DNM2: variants seen among roughly 807,000 people sequenced by gnomAD.
DNM2 encodes dynamin 2.
A neutral mutation model predicts 99.0 loss-of-function variants in DNM2; 15 were observed. That is an observed-to-expected ratio of 0.15 (90% confidence interval 0.10 to 0.23). DNM2 has a LOEUF of 0.23. Ranked by LOEUF, DNM2 falls within the 10% of genes least tolerant of loss-of-function variation. The pLI is 1.00. For synonymous variants in DNM2, 525 were observed against 481.2 expected (o/e 1.09, Z -1.19); for missense variants, 742 against 1,189.4 (o/e 0.62, Z 5.53).
intron 1 of DNM2, among the ~76,000 whole-genome samples, chr19:10,744,678 G>A (rs997688935): frequency 6.6e-6 from 1 of 152,102 alleles, no homozygotes; most frequent in East Asian, 1.9e-4. Flanking sequence ...CACAGTGAGC[G>A]TTCACTTTGC....
chr19:10,809,689 C>G (rs1247634676), intron 14 of DNM2: 2 of 152,434 alleles, frequency 1.3e-5, no homozygotes, highest in Non-Finnish European at 2.9e-5. Context: ...GGCCTCCAGT[C>G]CTAGCAGGGG....
Position 10,775,976 on chromosome 19 carries a change from G to T in DNM2, c.589+70G>T. On this transcript the variant is annotated intron_variant, in intron 4 of 20. Transcript: ENST00000389253. This position sits in a 1 kb window ranked among gnomAD's most constrained non-coding sequence, Gnocchi z 4.3. ...GCATGGGATGTGCCCAGCATCCTTG[G>T]TTCCAAGTCACTGGCGTTCTCTTTA... 6.4e-7 allele frequency: 1 copy of T among 1,574,260 alleles called. No homozygotes were observed. The highest frequency in any genetic ancestry group is 8.6e-7 in the Non-Finnish European group (1 of 1,163,016).
chr19:10,828,275 T>C (rs143322679), intron 18 of DNM2, among the ~76,000 whole-genome samples: 52 of 132,506 alleles, frequency 3.9e-4, no homozygotes, highest in African/African-American at 1.4e-3. Context: ...AGTGAGACTC[T>C]GTCACAAAAA....
intron 6 of DNM2, among the ~76,000 whole-genome samples, chr19:10,783,698 TATTA>T (rs1194639260): frequency 3.3e-3 from 434 of 131,520 alleles, no homozygotes; most frequent in African/African-American, 0.01. Flanking sequence ...TTATTATTAT[TATTA>T]TTATTTTTTA....
chr19:10,802,212 C>A, intron 11 of DNM2, 76 bp from the exon 12 acceptor site: 1 of 1,521,368 alleles, frequency 6.6e-7, no homozygotes, highest in Non-Finnish European at 9.1e-7. Flanking sequence ...GCTGGCAAGG[C>A]CAGGAAATGC....
chr19:10,817,573 T>C lies in DNM2; in HGVS notation c.1672-2407T>C, dbSNP rs1163367070. On this transcript the variant is annotated intron_variant, in intron 15 of 20. Coordinates refer to ENST00000389253, the MANE Select transcript of DNM2 (RefSeq NM_001005361.3). This position sits in a 1 kb window ranked among gnomAD's most constrained non-coding sequence, Gnocchi z 4.6. ...AGGCCAGGCCGTGCCTCAGCACCTC[T>C]GAGCAGCCAAGGAAACCACCACTCT... 1.0e-5 allele frequency: 4 copies of C among 383,576 alleles called. No homozygotes were observed. Among genetic ancestry groups the C allele is most frequent in the Non-Finnish European group, 2.1e-5 (4 of 187,756 alleles). The allele number at this position is 383,576 out of a possible 1,614,324, so 23.8% of individuals were successfully genotyped here. A position where few individuals can be genotyped will look rare whatever the true frequency, so the allele number is the denominator to read the frequency against.
rs28648822 is a variant in DNM2 at position 10,749,610 on chromosome 19, C to T, written c.162-10128C>T. Reference sequence around the variant, plus strand: ...AGGGGTAGAGACCTGTCCAGGGCCACACAGCCCAGGAGGGGCGGAGCTCGA... The same window carrying T: ...AGGGGTAGAGACCTGTCCAGGGCCATACAGCCCAGGAGGGGCGGAGCTCGA... On this transcript the variant is annotated intron_variant, in intron 1 of 20. Coordinates refer to ENST00000389253, the MANE Select transcript of DNM2 (RefSeq NM_001005361.3). 4.1e-3 allele frequency among the ~76,000 whole-genome samples: 621 copies of T among 152,368 alleles called. 11 individuals are homozygous for T. Among genetic ancestry groups the T allele is most frequent in the Admixed American group, 0.028 (436 of 15,302 alleles).
At chr19:10,766,015 C>T (rs1022412744) in intron 2 of DNM2, among the ~76,000 whole-genome samples, 16 of 152,122 alleles carry the variant, frequency 1.1e-4, no homozygotes, top group Non-Finnish European at 1.5e-4. Flanking sequence ...ATGGGAGCCC[C>T]GGCACTGGGT....
chr19:10,763,606 G>C (rs73498594), intron 2 of DNM2: 2 of 152,412 alleles, frequency 1.3e-5, no homozygotes, highest in African/African-American at 4.8e-5. Flanking sequence ...CCCAGCCCCC[G>C]AGCCCAGCCT....
At chr19:10,767,302 TTC>T (rs1179758152) in intron 2 of DNM2, among the ~76,000 whole-genome samples, 1 of 152,034 alleles carries the variant, frequency 6.6e-6, no homozygotes, top group East Asian at 1.9e-4. Context: ...TCCACTCTAT[TTC>T]TCTTTTTGTC....
At chr19:10,821,061 A>C (rs945131447) in intron 16 of DNM2, among the ~76,000 whole-genome samples, 1 of 152,130 alleles carries the variant, frequency 6.6e-6, no homozygotes, top group Non-Finnish European at 1.5e-5. Flanking sequence ...GTAGGCAGGC[A>C]CTGACGTCCT....
At chr19:10,739,525 G>T (rs2069660630) in intron 1 of DNM2, among the ~76,000 whole-genome samples, 2 of 152,094 alleles carry the variant, frequency 1.3e-5, no homozygotes, top group African/African-American at 4.8e-5. Context: ...GGCCTTTTGT[G>T]TGTGGCTTTG....
At chr19:10,743,190 G>C (rs1256614361) in intron 1 of DNM2, among the ~76,000 whole-genome samples, 1 of 152,004 alleles carries the variant, frequency 6.6e-6, no homozygotes, top group Admixed American at 6.5e-5. Context: ...ACAGGTGTGA[G>C]CCACCACGCC....
At chr19:10,724,167 C>T (rs2069034431) in intron 1 of DNM2, among the ~76,000 whole-genome samples, 2 of 151,576 alleles carry the variant, frequency 1.3e-5, no homozygotes. Context: ...GGAGGGGGTA[C>T]ATTTTATTTT....
intron 7 of DNM2, 149 bp from the exon 8 acceptor site, chr19:10,793,571 A>G: frequency 7.0e-7 from 1 of 1,420,522 alleles, no homozygotes; most frequent in African/African-American, 1.4e-5. Context: ...GAGCTCTTGA[A>G]TTTGGTTTAT....
At chr19:10,828,085 T>TA (rs1025598965) in intron 18 of DNM2, among the ~76,000 whole-genome samples, 1 of 149,092 alleles carries the variant, frequency 6.7e-6, no homozygotes, top group Non-Finnish European at 1.5e-5. Flanking sequence ...GGTCAGGAGT[T>TA]AAAGACCAGC....
chr19:10,734,919 T>C (rs952209203), intron 1 of DNM2, among the ~76,000 whole-genome samples: 3 of 151,524 alleles, frequency 2.0e-5, no homozygotes, highest in Non-Finnish European at 4.4e-5. Flanking sequence ...TGGTAAGTCA[T>C]GGAATGTCCC....
chr19:10,778,165 G>C (rs1599534718), intron 5 of DNM2, among the ~76,000 whole-genome samples: 1 of 151,826 alleles, frequency 6.6e-6, no homozygotes, highest in Non-Finnish European at 1.5e-5. Flanking sequence ...CTCCCGAGTA[G>C]CTGGGATTAC....
intron 11 of DNM2, among the ~76,000 whole-genome samples, chr19:10,801,732 C>T (rs1474104808): frequency 6.6e-6 from 1 of 151,656 alleles, no homozygotes; most frequent in Non-Finnish European, 1.5e-5. Context: ...CAGTGAAACC[C>T]TGTATCTACT....
Sources: allele counts gnomAD v4.1 joint callset (sites outside exome capture counted in the v4.1 genomes callset), GRCh38; gene constraint gnomAD v4.1.1; non-coding constraint Gnocchi (gnomAD v3.1); transcripts MANE v1.5; gene names NCBI Gene and HGNC (gene_info 2026-07-23, HGNC 2026-07-21).